ITGA8: variants seen among roughly 807,000 people sequenced by gnomAD.
ITGA8 encodes the protein integrin subunit alpha 8, also known as integrin alpha-8.
A neutral mutation model predicts 142.3 loss-of-function variants in ITGA8; 91 were observed. The observed-to-expected ratio is 0.64, with a 90% CI of 0.54 to 0.76. The LOEUF is 0.76. ITGA8 is among the 30% of genes least tolerant of loss of function. The pLI, the probability that ITGA8 is intolerant of heterozygous loss-of-function variation, is 0.00. For synonymous variants in ITGA8, 505 were observed against 485.2 expected (o/e 1.04, Z -0.54); for missense variants, 1,406 against 1,327.7 (o/e 1.06, Z -0.92).
intron 13 of ITGA8, among the ~76,000 whole-genome samples, chr10:15,634,487 G>A (rs531681312): frequency 4.6e-5 from 7 of 151,992 alleles, no homozygotes; most frequent in African/African-American, 1.7e-4. Context: ...ACTGGGTAAG[G>A]TTACACATCC....
rs565474603 is a variant in ITGA8, at chr10:15,520,282, G to A, written c.2983-870C>T. ...CAAAAAATTAGCTGGGTGTGGTGGC[G>A]CACACCTGTAATCCCAGCTACTCAG... On this transcript the variant is annotated intron_variant, in intron 28 of 29. Coordinates refer to ENST00000378076, the MANE Select transcript of ITGA8 (RefSeq NM_003638.3). Among the ~76,000 whole-genome samples the A allele has an allele frequency of 1.1e-4, 17 of 152,098 alleles. No individual in the cohort carries two copies. In the South Asian group the frequency reaches 2.5e-3, roughly 22 times the overall value.
intron 15 of ITGA8, 26 bp downstream of exon 15, chr10:15,613,634 G>A (rs986649842): frequency 1.4e-6 from 2 of 1,452,080 alleles, no homozygotes; most frequent in South Asian, 1.1e-5. Flanking sequence ...TCACATTGGA[G>A]TTTGAGAAGC....
rs186064157 is a variant in ITGA8, at chr10:15,660,934, A to G, written c.848-12T>C. 959 of 1,612,606 alleles carry G rather than the reference A, an allele frequency of 5.9e-4. 3 individuals are homozygous for G. The highest frequency in any genetic ancestry group is 4.8e-4 in the Non-Finnish European group (570 of 1,178,802). ...TCCAGCAACCAATTCTGGGGATGAA[A>G]ATAGCCATTTAGAAGGGGAATTACT... is the stretch of plus-strand genomic sequence containing the variant. On this transcript the variant is annotated splice_polypyrimidine_tract_variant and intron_variant, in intron 8 of 29. Coordinates refer to ENST00000378076, the MANE Select transcript of ITGA8 (RefSeq NM_003638.3).
intron 8 of ITGA8, among the ~76,000 whole-genome samples, chr10:15,666,569 A>G (rs12217596): frequency 0.098 from 14,864 of 152,038 alleles, 927 homozygotes; most frequent in East Asian, 0.29. Context: ...AATAGGAGTG[A>G]TGAGAGAGGG....
At chr10:15,559,292 T>C (rs60134020) in intron 25 of ITGA8, among the ~76,000 whole-genome samples, 52,676 of 152,150 alleles carry the variant, frequency 0.35, 9,343 homozygotes, top group African/African-American at 0.39. Context: ...CTGCTCTTCG[T>C]TCCCGATGGC....
chr10:15,612,117 C>T (rs1833308469), intron 15 of ITGA8, among the ~76,000 whole-genome samples: 1 of 152,140 alleles, frequency 6.6e-6, no homozygotes, highest in Non-Finnish European at 1.5e-5. Context: ...TTTCATTATA[C>T]TATTTTATGG....
intron 27 of ITGA8, among the ~76,000 whole-genome samples, chr10:15,532,220 C>T (rs979640822): frequency 6.6e-5 from 10 of 151,966 alleles, no homozygotes; most frequent in African/African-American, 2.4e-4. Flanking sequence ...GAGTTCAAGA[C>T]CAGCCTGACC....
At chr10:15,600,403 G>A (rs911179272) in intron 20 of ITGA8, among the ~76,000 whole-genome samples, 1 of 152,208 alleles carries the variant, frequency 6.6e-6, no homozygotes, top group African/African-American at 2.4e-5. Flanking sequence ...TGAAGGATGA[G>A]TAGAAAGAAT....
intron 26 of ITGA8, among the ~76,000 whole-genome samples, chr10:15,553,539 G>A (rs1833831166): frequency 1.3e-5 from 2 of 152,182 alleles, no homozygotes; most frequent in Admixed American, 1.3e-4. Context: ...GTGGCATTAA[G>A]TACGTTCACA....
chr10:15,652,110 C>G (rs570413880), intron 11 of ITGA8, among the ~76,000 whole-genome samples: 15 of 152,324 alleles, frequency 9.8e-5, no homozygotes, highest in African/African-American at 3.6e-4. Flanking sequence ...TATAACAGTT[C>G]TGTGTTTGTT....
intron 28 of ITGA8, 73 bp downstream of exon 28, chr10:15,530,977 A>G: frequency 1.1e-6 from 1 of 905,402 alleles, no homozygotes; most frequent in Non-Finnish European, 1.7e-6. Flanking sequence ...AAAGCCTAGC[A>G]CAAGCTAGAC....
intron 26 of ITGA8, among the ~76,000 whole-genome samples, chr10:15,556,718 A>T (rs761791805): frequency 1.3e-5 from 2 of 152,186 alleles, no homozygotes; most frequent in Non-Finnish European, 2.9e-5. Context: ...TGTTCCAATT[A>T]TGCTCTTTTA....
intron 11 of ITGA8, among the ~76,000 whole-genome samples, chr10:15,654,118 G>C (rs1834140333): frequency 6.6e-6 from 1 of 152,194 alleles, no homozygotes; most frequent in African/African-American, 2.4e-5. Context: ...TTACAGGCGT[G>C]AGCTACCGCA....
intron 23 of ITGA8, among the ~76,000 whole-genome samples, chr10:15,583,769 T>C (rs1419151413): frequency 1.3e-5 from 2 of 152,194 alleles, no homozygotes; most frequent in South Asian, 2.1e-4. Flanking sequence ...CTGTTCTATA[T>C]TGTATGTTCT....
At chr10:15,528,506 C>CT (rs35960573) in intron 28 of ITGA8, among the ~76,000 whole-genome samples, 64,446 of 126,834 alleles carry the variant, frequency 0.51, 19,219 homozygotes, top group Middle Eastern at 0.69. Flanking sequence ...GATAAAAAGT[C>CT]TTTTTTTTTT....
intron 13 of ITGA8, among the ~76,000 whole-genome samples, chr10:15,632,385 G>C (rs563204480): frequency 8.5e-5 from 13 of 152,280 alleles, no homozygotes; most frequent in African/African-American, 3.1e-4. Flanking sequence ...TTAATCTAAA[G>C]CTGGAAAAAA....
In ITGA8 at chr10:15,569,844, A is replaced by G. The variant is rs112238855; in HGVS notation, c.2637+2367T>C. Among the ~76,000 whole-genome samples the G allele has an allele frequency of 7.5e-3, 1,147 of 152,322 alleles. 27 individuals are homozygous for G. The highest frequency in any genetic ancestry group is 0.027 in the African/African-American group (1,105 of 41,566). On this transcript the variant is annotated intron_variant, in intron 25 of 29. Coordinates refer to ENST00000378076, the MANE Select transcript of ITGA8 (RefSeq NM_003638.3). Reference sequence around the variant, plus strand: ...GGTAAGAGATTATTTGTTTTTCACTAAAGTCCAAGTCATATCAAGAAAAGA... The same window carrying G: ...GGTAAGAGATTATTTGTTTTTCACTGAAGTCCAAGTCATATCAAGAAAAGA...
At chr10:15,709,571 T>C (rs1012574029) in intron 2 of ITGA8, among the ~76,000 whole-genome samples, 5 of 152,268 alleles carry the variant, frequency 3.3e-5, no homozygotes, top group Non-Finnish European at 7.3e-5. Context: ...CTCTATCCAA[T>C]GCCTTCCATA....
chr10:15,659,129 A>T, intron 9 of ITGA8, 74 bp from the exon 10 acceptor site: 1 of 980,644 alleles, frequency 1.0e-6, no homozygotes, highest in South Asian at 1.6e-5. Context: ...CTACAACTTG[A>T]ATCATTTAAA....
Sources: gnomAD v4.1 joint callset for allele counts (sites outside exome capture counted in the v4.1 genomes callset) on GRCh38, gnomAD v4.1.1 for gene constraint, MANE v1.5 for transcripts, NCBI Gene and HGNC (gene_info 2026-07-23, HGNC 2026-07-21) for gene names.